Variants in PRPF31 observed in about 807,000 individuals in gnomAD.
PRPF31 encodes U4/U6 small nuclear ribonucleoprotein Prp31.
PRPF31 carries 12 observed loss-of-function variants against 60.4 expected under a neutral mutation model. The ratio of observed to expected loss-of-function variants is 0.20; its 90% CI spans 0.13 to 0.32. PRPF31 has a LOEUF of 0.32. Among genes scored for constraint, PRPF31 ranks in the 10% least tolerant of loss-of-function variants. The probability of loss-of-function intolerance (pLI) is 1.00; values close to 1 mark genes in which losing one functional copy is unlikely to be tolerated. For missense variants in PRPF31, 431 were observed against 687.1 expected, an observed-to-expected ratio of 0.63 and a Z score of 4.17; for synonymous variants, 287 against 287.9, an observed-to-expected ratio of 1.00 and a Z score of 0.03.
intron 11 of PRPF31, 35 bp downstream of exon 11, chr19:54,128,412 G>A: frequency 1.3e-6 from 2 of 1,536,126 alleles, no homozygotes; most frequent in South Asian, 2.4e-5. Context: ...CAACCCCACA[G>A]CCAGCCAGCC....
intron 1 of PRPF31, among the ~76,000 whole-genome samples, chr19:54,117,967 T>A (rs1403149648): frequency 4.6e-5 from 7 of 152,152 alleles, no homozygotes; most frequent in Admixed American, 3.9e-4. Context: ...TTTCAAAGTA[T>A]GTTTTCAAGG....
intron 8 of PRPF31, 101 bp from the exon 9 acceptor site, chr19:54,126,427 G>A: frequency 1.8e-6 from 2 of 1,119,636 alleles, no homozygotes; most frequent in South Asian, 1.3e-5. Context: ...CCCCTTCCAG[G>A]ACCCCAGGTA....
intron 10 of PRPF31, 33 bp downstream of exon 10, chr19:54,128,233 G>GTGA (rs1412985387): frequency 6.4e-7 from 1 of 1,565,612 alleles, no homozygotes; most frequent in Admixed American, 1.9e-5. Context: ...TAGGCATGGG[G>GTGA]GTCATGGAGG....
chr19:54,118,490 C>G (rs750638345), intron 2 of PRPF31, 35 bp downstream of exon 2: 5 of 1,613,966 alleles, frequency 3.1e-6, no homozygotes, highest in Non-Finnish European at 3.4e-6. Context: ...GCAGGGGGCT[C>G]TAGACAGAAT....
At chr19:54,127,989 G>T (rs1568597219) in intron 9 of PRPF31, 84 bp from the exon 10 acceptor site, 1 of 1,536,178 alleles carries the variant, frequency 6.5e-7, no homozygotes, top group Non-Finnish European at 8.8e-7. Context: ...TAAGGCACGT[G>T]GATACTCGGG....
chr19:54,128,221 G>A (rs746365704), intron 10 of PRPF31, 21 bp downstream of exon 10: 39 of 1,568,022 alleles, frequency 2.5e-5, no homozygotes, highest in Non-Finnish European at 3.0e-5. Context: ...CTGGGGGTCC[G>A]GTAGGCATGG....
intron 11 of PRPF31, 128 bp downstream of exon 11, chr19:54,128,505 C>CCA (rs1463795210): frequency 5.3e-6 from 5 of 935,878 alleles, no homozygotes; most frequent in South Asian, 1.4e-5. Context: ...CCCAGCCTCC[C>CCA]CCCCCCCGGC....
intron 9 of PRPF31, among the ~76,000 whole-genome samples, chr19:54,126,976 C>T (rs745803785): frequency 2.6e-5 from 4 of 152,100 alleles, no homozygotes; most frequent in South Asian, 2.1e-4. Flanking sequence ...CAAAATTAGC[C>T]GGGTGTGGTG....
intron 3 of PRPF31, 67 bp from the exon 4 acceptor site, chr19:54,121,793 C>A: frequency 6.8e-7 from 1 of 1,476,770 alleles, no homozygotes; most frequent in Non-Finnish European, 9.3e-7. Flanking sequence ...TCCGCCTCCT[C>A]CAGCTGCGGG....
At chr19:54,118,095 G>A (rs1191787684) in intron 1 of PRPF31, 176 bp from the exon 2 acceptor site, 16 of 862,772 alleles carry the variant, frequency 1.9e-5, no homozygotes, top group African/African-American at 6.6e-5. Context: ...TGCACAGGTC[G>A]GAGCTGGAGA....
chr19:54,129,459 T>G, intron 13 of PRPF31, 89 bp downstream of exon 13: 1 of 1,439,490 alleles, frequency 6.9e-7, no homozygotes, highest in Admixed American at 2.0e-5. Flanking sequence ...CCAGGATGAG[T>G]CTCCTCATGG....
rs2073874603 is a variant in PRPF31 at position 54,124,574 on chromosome 19, C to T, written c.773C>T (p.Thr258Met). The T allele has an allele frequency of 3.7e-6, 6 of 1,613,216 alleles. No homozygotes were observed. Among genetic ancestry groups the T allele is most frequent in the East Asian group, 2.2e-5 (1 of 44,884 alleles). Reference protein sequence around the residue: ...NIMLLGAQRKTLSGFSSTSVL... With the variant: ...NIMLLGAQRKMLSGFSSTSVL... The stretch of plus-strand genomic sequence containing the variant: ...ATGCTGCTCGGGGCCCAGCGCAAGA[C>T]GCTGTCGGGCTTCTCGTCTACCTCA... Residue 258 changes from threonine (T) to methionine (M), a missense_variant, in exon 8 of 14, where the codon ACG becomes ATG. Physicochemically the swap from Thr to Met is moderately conservative, Grantham distance 81. Transcript: ENST00000321030.
rs1228907711 is a variant in PRPF31 at position 54,128,065 on chromosome 19, CT to C, written c.946-7del. On this transcript the variant is annotated splice_polypyrimidine_tract_variant and splice_region_variant and intron_variant, in intron 9 of 13. Coordinates refer to ENST00000321030, the MANE Select transcript of PRPF31 (RefSeq NM_015629.4). ...GCAGCTGCAGGACCTCCCCCTCGCC[CT>C]CCCCAGGTGGGCTACGAACTGAAGG... is the stretch of plus-strand genomic sequence containing the variant. The C allele has an allele frequency of 6.5e-7, 1 of 1,548,530 alleles. No homozygotes were observed. Among genetic ancestry groups the C allele is most frequent in the Non-Finnish European group, 8.7e-7 (1 of 1,146,804 alleles).
At chr19:54,130,956 G>A (rs1295757728) in intron 13 of PRPF31, among the ~76,000 whole-genome samples, 4 of 152,162 alleles carry the variant, frequency 2.6e-5, no homozygotes, top group East Asian at 1.9e-4. Context: ...CACTATGATC[G>A]TCAGTGGTGT....
At chr19:54,126,361 CTTCCT>C (rs2073920729) in intron 8 of PRPF31, 162 bp from the exon 9 acceptor site, 1 of 690,452 alleles carries the variant, frequency 1.4e-6, no homozygotes. Flanking sequence ...CTCATCCCCT[CTTCCT>C]GTGAAGTAGG....
In PRPF31 at chr19:54,118,475, TC is replaced by T; in HGVS notation, c.177+22del. 6.2e-7 allele frequency: 1 copy of T among 1,613,934 alleles called. No homozygotes were observed. Among genetic ancestry groups the T allele is most frequent in the South Asian group, 1.1e-5 (1 of 91,084 alleles). On this transcript the variant is annotated intron_variant, in intron 2 of 13. Coordinates refer to ENST00000321030, the MANE Select transcript of PRPF31 (RefSeq NM_015629.4). The stretch of plus-strand genomic sequence containing the variant: ...AAGATGGTAAGAGGACAAGAGGTGT[TC>T]CTAGCAGGGGGCTCTAGACAGAATC...
chr19:54,122,607 A>C lies in PRPF31; in HGVS notation c.420+13A>C, dbSNP rs757861067. On this transcript the variant is annotated intron_variant, in intron 5 of 13. Coordinates refer to ENST00000321030, the MANE Select transcript of PRPF31 (RefSeq NM_015629.4). ...CCGCACGGTCAAGGTGAGCGCAGAG[A>C]AGGTGGGGTGCTTCTGCTGGCGTGA... is the stretch of plus-strand genomic sequence containing the variant. The C allele has an allele frequency of 6.2e-7, 1 of 1,609,280 alleles. No homozygotes were observed. Among genetic ancestry groups the C allele is most frequent in the Non-Finnish European group, 8.5e-7 (1 of 1,175,654 alleles).
At chr19:54,122,062 C>A in intron 4 of PRPF31, 119 bp downstream of exon 4, 1 of 1,048,968 alleles carries the variant, frequency 9.5e-7, no homozygotes, top group Non-Finnish European at 1.4e-6. Flanking sequence ...TCGAGGTTGA[C>A]CTGCTGTCAC....
intron 13 of PRPF31, among the ~76,000 whole-genome samples, chr19:54,129,847 A>G (rs1447487749): frequency 6.6e-6 from 1 of 151,830 alleles, no homozygotes; most frequent in East Asian, 2.0e-4. Flanking sequence ...TACCATCCAC[A>G]GAGCAGGGCG....
Sources: allele counts gnomAD v4.1 joint callset (sites outside exome capture counted in the v4.1 genomes callset), GRCh38; gene constraint gnomAD v4.1.1; transcripts MANE v1.5; gene names NCBI Gene and HGNC (gene_info 2026-07-23, HGNC 2026-07-21).